The following TAF4B variants were observed in gnomAD, a reference collection of about 807,000 sequenced individuals.
TAF4B encodes the protein TATA-box binding protein associated factor 4b.
TAF4B carries 38 observed loss-of-function variants against 86.4 expected under a neutral mutation model. That is an observed-to-expected ratio of 0.44 (90% CI 0.34 to 0.58). The LOEUF (loss-of-function observed/expected upper bound fraction) is 0.58. Among genes scored for constraint, TAF4B ranks in the 20% least tolerant of loss-of-function variants. The pLI, the probability that TAF4B is intolerant of heterozygous loss-of-function variation, is 0.02. For synonymous variants in TAF4B, 388 were observed against 391.2 expected (o/e 0.99, Z 0.10); for missense variants, 988 against 1,027.6 (o/e 0.96, Z 0.53).
rs544794101 is a variant in TAF4B, at chr18:26,252,410, T to G, written c.344-12760T>G. 5.3e-4 allele frequency among the ~76,000 whole-genome samples: 80 copies of G among 152,298 alleles called. 1 individual carries two copies. Among genetic ancestry groups the G allele is most frequent in the African/African-American group, 1.9e-3 (79 of 41,574 alleles). Reference sequence around the variant, plus strand: ...TACTTCTAATAGTTTTTTAGAGGGTTCATTAGGATTTTCTATATATAGTAG... The same window carrying G: ...TACTTCTAATAGTTTTTTAGAGGGTGCATTAGGATTTTCTATATATAGTAG... On this transcript the variant is annotated intron_variant, in intron 1 of 14. Transcript: ENST00000269142.
chr18:26,320,521 T>C (rs2056952993), intron 10 of TAF4B, among the ~76,000 whole-genome samples: 1 of 151,968 alleles, frequency 6.6e-6, no homozygotes, highest in African/African-American at 2.4e-5. Context: ...CCATTTGAAC[T>C]TGTAAATTGA....
chr18:26,285,210 C>CTTTTTTTTTTTTTTTTTTTTTTTTTT (rs113394710), intron 6 of TAF4B, among the ~76,000 whole-genome samples: 48 of 42,502 alleles, frequency 1.1e-3, no homozygotes, highest in Non-Finnish European at 1.8e-3. Flanking sequence ...TCTTCCTTTC[C>CTTTTTTTTTTTTTTTTTTTTTTTTTT]TTTTTTTTTT....
At chr18:26,301,377 T>C (rs111446371) in intron 9 of TAF4B, among the ~76,000 whole-genome samples, 186 of 151,956 alleles carry the variant, frequency 1.2e-3, no homozygotes, top group African/African-American at 4.2e-3. Flanking sequence ...GCCTTGAACT[T>C]CTAGGCTCCA....
intron 13 of TAF4B, among the ~76,000 whole-genome samples, chr18:26,352,886 C>T (rs2057256785): frequency 6.6e-6 from 1 of 152,182 alleles, no homozygotes; most frequent in African/African-American, 2.4e-5. Context: ...TGATATGGTT[C>T]TCTAATCTTT....
chr18:26,300,307 T>TTTTTTATTATTATTATTATTA (rs1555679571), intron 9 of TAF4B, among the ~76,000 whole-genome samples: 79 of 145,396 alleles, frequency 5.4e-4, no homozygotes, highest in South Asian at 1.7e-3. Context: ...AATGTAGGCA[T>TTTTTTATTATTATTATTATTA]TTATTATTAT....
At chr18:26,385,636 T>C (rs1978327489) in intron 14 of TAF4B, among the ~76,000 whole-genome samples, 1 of 151,830 alleles carries the variant, frequency 6.6e-6, no homozygotes, top group Non-Finnish European at 1.5e-5. Context: ...AACCTTCTAT[T>C]TCCGAAGTGA....
intron 1 of TAF4B, among the ~76,000 whole-genome samples, chr18:26,260,428 G>A (rs2056147664): frequency 6.6e-6 from 1 of 152,166 alleles, no homozygotes; most frequent in Non-Finnish European, 1.5e-5. Flanking sequence ...TGACATTTAA[G>A]TCTTTAATCC....
intron 9 of TAF4B, among the ~76,000 whole-genome samples, chr18:26,304,258 A>C (rs2056772314): frequency 6.6e-6 from 1 of 151,350 alleles, no homozygotes. Context: ...ATAAACATGC[A>C]AGGAAGTATC....
At chr18:26,297,813 C>T (rs986499240) in intron 9 of TAF4B, among the ~76,000 whole-genome samples, 8 of 152,054 alleles carry the variant, frequency 5.3e-5, no homozygotes, top group Non-Finnish European at 1.2e-4. Flanking sequence ...GTGTCTATAT[C>T]TTTGTATGGA....
At chr18:26,339,039 A>G (rs1289230827) in intron 13 of TAF4B, among the ~76,000 whole-genome samples, 1 of 152,158 alleles carries the variant, frequency 6.6e-6, no homozygotes, top group Non-Finnish European at 1.5e-5. Context: ...TATTAACCTG[A>G]CAGGTTTTCT....
At position 26,389,310 on chromosome 18, in the gene TAF4B, C is replaced by T. The variant is rs189594928; in HGVS notation, c.2422-535C>T. ...GCTCAGCGTGGTTCTCAAGAACCTGCTCTGAGCAATGGGAACCATTGAAGA... is the reference window on the plus strand; with the variant it reads ...GCTCAGCGTGGTTCTCAAGAACCTGTTCTGAGCAATGGGAACCATTGAAGA... On this transcript the variant is annotated intron_variant, in intron 14 of 14. Coordinates refer to ENST00000269142, the MANE Select transcript of TAF4B (RefSeq NM_005640.3). Among the ~76,000 whole-genome samples, 311 of 152,280 alleles carry T rather than the reference C, an allele frequency of 2.0e-3. 2 individuals are homozygous for T. The highest frequency in any genetic ancestry group is 7.3e-3 in the African/African-American group (303 of 41,540).
chr18:26,358,526 C>T (rs542503427), intron 14 of TAF4B, among the ~76,000 whole-genome samples: 3 of 152,074 alleles, frequency 2.0e-5, no homozygotes, highest in East Asian at 1.9e-4. Context: ...CTGTTTAACA[C>T]GGTGAAAACC....
chr18:26,365,385 G>A (rs1310950673), intron 14 of TAF4B, among the ~76,000 whole-genome samples: 2 of 152,176 alleles, frequency 1.3e-5, no homozygotes, highest in Non-Finnish European at 2.9e-5. Context: ...ATATTTGATT[G>A]AAAATCAGAA....
intron 10 of TAF4B, among the ~76,000 whole-genome samples, chr18:26,320,341 A>C (rs1598797383): frequency 6.6e-6 from 1 of 152,328 alleles, no homozygotes; most frequent in East Asian, 1.9e-4. Flanking sequence ...ATTACGGACA[A>C]GGTTGATTTA....
chr18:26,226,748 C>T lies in TAF4B; in HGVS notation c.-186C>T, dbSNP rs2055580329. Reference sequence around the variant, plus strand: ...AGGCTCGCGCGGACGAGAGGAAGGTCCGGGACGCGCGTGTCCTGCCGTGCA... The same window carrying T: ...AGGCTCGCGCGGACGAGAGGAAGGTTCGGGACGCGCGTGTCCTGCCGTGCA... On this transcript the variant is annotated 5_prime_UTR_variant, in exon 1 of 15. Coordinates refer to ENST00000269142, the MANE Select transcript of TAF4B (RefSeq NM_005640.3). The T allele has an allele frequency of 2.2e-6, 1 of 464,468 alleles. No homozygotes were observed. Among genetic ancestry groups the T allele is most frequent in the South Asian group, 6.0e-5 (1 of 16,794 alleles). 28.8% of individuals were successfully genotyped at this position (464,468 alleles called of 1,614,324 possible).
intron 11 of TAF4B, among the ~76,000 whole-genome samples, chr18:26,321,667 A>G (rs1361528147): frequency 6.6e-6 from 1 of 151,942 alleles, no homozygotes; most frequent in Non-Finnish European, 1.5e-5. Context: ...TAGTAAAATT[A>G]TTACTATTTA....
chr18:26,295,988 TTGTG>T (rs34047998), intron 9 of TAF4B, among the ~76,000 whole-genome samples: 339 of 150,102 alleles, frequency 2.3e-3, no homozygotes, highest in African/African-American at 7.7e-3. Flanking sequence ...GTTCACGATT[TTGTG>T]TGTGTGTGTG....
chr18:26,320,590 A>G (rs916708844), intron 10 of TAF4B, among the ~76,000 whole-genome samples: 3 of 152,214 alleles, frequency 2.0e-5, no homozygotes, highest in Non-Finnish European at 4.4e-5. Flanking sequence ...TTGGTAATAG[A>G]CAAAAGGAAT....
rs527640469 is a variant in TAF4B, at chr18:26,226,966, C to T, written c.33C>T (p.Ala11=). 4.3e-6 allele frequency: 6 copies of T among 1,384,464 alleles called. No individual in the cohort carries two copies. Among genetic ancestry groups the T allele is most frequent in the Non-Finnish European group, 5.6e-6 (6 of 1,079,842 alleles). The allele number at this position is 1,384,464 out of a possible 1,614,324, so 85.8% of individuals were successfully genotyped here. The change falls in exon 1 of 15, where the codon GCC becomes GCT. Residue 11 remains alanine (A), a synonymous_variant. Transcript: ENST00000269142. MPAGLTEPAG[A]APPAAVSASG... is the part of the protein sequence containing the mutation. ...CCGGCCTCACCGAACCCGCCGGCGCCGCTCCCCCGGCTGCTGTGAGCGCCT... is the reference window on the plus strand; with the variant it reads ...CCGGCCTCACCGAACCCGCCGGCGCTGCTCCCCCGGCTGCTGTGAGCGCCT...
Sources: allele counts gnomAD v4.1 joint callset (sites outside exome capture counted in the v4.1 genomes callset), GRCh38; gene constraint gnomAD v4.1.1; transcripts MANE v1.5; gene names NCBI Gene and HGNC (gene_info 2026-07-23, HGNC 2026-07-21).